GABRB1: variants seen among roughly 807,000 people sequenced by gnomAD.
The protein encoded by GABRB1 is gamma-aminobutyric acid type A receptor subunit beta1, also known as gamma-aminobutyric acid receptor subunit beta-1.
A neutral mutation model predicts 51.6 loss-of-function variants in GABRB1; 17 were observed. The ratio of observed to expected loss-of-function variants is 0.33; its 90% CI spans 0.23 to 0.49. The LOEUF (loss-of-function observed/expected upper bound fraction) is 0.49. Among genes scored for constraint, GABRB1 ranks in the 20% least tolerant of loss-of-function variants. The probability of loss-of-function intolerance (pLI) is 0.99; values close to 1 mark genes in which losing one functional copy is unlikely to be tolerated. For synonymous variants in GABRB1, 247 were observed against 218.9 expected (o/e 1.13, Z -1.14); for missense variants, 410 against 600.6 (o/e 0.68, Z 3.32).
chr4:47,425,480 T>TGATAGATGATAGATA (rs1553884620), intron 8 of GABRB1, among the ~76,000 whole-genome samples, 194 bp from the exon 9 acceptor site: 2 of 142,318 alleles, frequency 1.4e-5, no homozygotes, highest in Admixed American at 7.0e-5. Flanking sequence ...TGGATGATGA[T>TGATAGATGATAGATA]GATAGATAGA....
intron 3 of GABRB1, among the ~76,000 whole-genome samples, chr4:47,061,399 G>A (rs1389759256): frequency 2.6e-5 from 4 of 152,008 alleles, no homozygotes; most frequent in Admixed American, 6.6e-5. Context: ...TGGTAGATTC[G>A]GACAGTGAGG....
intron 1 of GABRB1, among the ~76,000 whole-genome samples, chr4:47,003,730 C>T (rs1724297957): frequency 6.6e-6 from 1 of 152,152 alleles, no homozygotes; most frequent in Admixed American, 6.5e-5. Context: ...TTGCTAACTA[C>T]CAGAATCAGG....
At chr4:47,276,652 A>G (rs574908065) in intron 4 of GABRB1, among the ~76,000 whole-genome samples, 1 of 152,308 alleles carries the variant, frequency 6.6e-6, no homozygotes, top group African/African-American at 2.4e-5. Context: ...ATATTTTCCA[A>G]GTACTCCATT....
chr4:47,305,814 T>C (rs1481341961), intron 4 of GABRB1, among the ~76,000 whole-genome samples: 1 of 152,162 alleles, frequency 6.6e-6, no homozygotes, highest in Non-Finnish European at 1.5e-5. Context: ...CCTTTACCTT[T>C]CCTGTTGTAA....
rs72429068 is a variant in GABRB1 at position 47,363,019 on chromosome 4, CGT to C, written c.545-40276_545-40275del. Among the ~76,000 whole-genome samples the C allele has an allele frequency of 6.2e-3, 737 of 118,678 alleles. 4 individuals carry two copies. The highest frequency in any genetic ancestry group is 0.013 in the Middle Eastern group (3 of 228). The allele number at this position is 118,678 out of a possible 152,430, so 77.9% of individuals were successfully genotyped here. On this transcript the variant is annotated intron_variant, in intron 5 of 8. Coordinates refer to ENST00000295454, the MANE Select transcript of GABRB1 (RefSeq NM_000812.4). Reference sequence around the variant, plus strand: ...TGATAAATGAGAATGAGTGTCTAAGCGTGTGTGTGTGTGTGTGTGTGTGTTTG... The same window carrying C: ...TGATAAATGAGAATGAGTGTCTAAGCGTGTGTGTGTGTGTGTGTGTGTTTG...
chr4:47,112,546 C>A (rs573480169), intron 3 of GABRB1, among the ~76,000 whole-genome samples: 4 of 152,254 alleles, frequency 2.6e-5, no homozygotes, highest in South Asian at 4.1e-4. Context: ...AAATTTGAAG[C>A]CTCAGTTTCT....
intron 4 of GABRB1, among the ~76,000 whole-genome samples, chr4:47,288,739 A>C (rs1346227544): frequency 6.6e-6 from 1 of 152,218 alleles, no homozygotes; most frequent in Non-Finnish European, 1.5e-5. Context: ...CAAATGCTTT[A>C]TAGGTGTTAT....
chr4:47,395,874 T>C (rs1728163420), intron 5 of GABRB1, among the ~76,000 whole-genome samples: 1 of 152,146 alleles, frequency 6.6e-6, no homozygotes, highest in Non-Finnish European at 1.5e-5. Context: ...TTTTCCCTCA[T>C]ATATTAGCAT....
At chr4:47,178,177 TAAATGAGAA>T (rs1718780212) in intron 4 of GABRB1, among the ~76,000 whole-genome samples, 1 of 152,086 alleles carries the variant, frequency 6.6e-6, no homozygotes, top group Admixed American at 6.6e-5. Context: ...TTGAGATCAT[TAAATGAGAA>T]AATGCATTCG....
chr4:47,423,789 A>G (rs1729170598), intron 8 of GABRB1, among the ~76,000 whole-genome samples: 1 of 152,162 alleles, frequency 6.6e-6, no homozygotes, highest in African/African-American at 2.4e-5. Flanking sequence ...AATTTACTTA[A>G]CTTCTTTGAG....
chr4:47,096,066 C>T (rs1309338810), intron 3 of GABRB1, among the ~76,000 whole-genome samples: 1 of 152,064 alleles, frequency 6.6e-6, no homozygotes, highest in African/African-American at 2.4e-5. Context: ...CTCCATATGC[C>T]ATATGGTTTG....
intron 4 of GABRB1, among the ~76,000 whole-genome samples, chr4:47,220,647 G>T (rs1205198668): frequency 6.6e-6 from 1 of 151,926 alleles, no homozygotes; most frequent in Non-Finnish European, 1.5e-5. Flanking sequence ...TCACCAGCCT[G>T]CTATCCAGAA....
chr4:47,323,424 T>C (rs555651858), intron 5 of GABRB1, among the ~76,000 whole-genome samples: 4 of 152,220 alleles, frequency 2.6e-5, no homozygotes, highest in Admixed American at 6.5e-5. Flanking sequence ...AAGTACATAA[T>C]CAATATGTTG....
At chr4:47,189,561 C>T (rs771425903) in intron 4 of GABRB1, among the ~76,000 whole-genome samples, 1 of 151,614 alleles carries the variant, frequency 6.6e-6, no homozygotes, top group Non-Finnish European at 1.5e-5. Context: ...TGGAGGGTAT[C>T]GGATAGTTTC....
chr4:47,084,508 T>C (rs1727986796), intron 3 of GABRB1, among the ~76,000 whole-genome samples: 1 of 152,224 alleles, frequency 6.6e-6, no homozygotes, highest in Non-Finnish European at 1.5e-5. Context: ...TTTGTGTATC[T>C]AGAAGTCTGG....
At chr4:47,190,127 A>G (rs1719378830) in intron 4 of GABRB1, among the ~76,000 whole-genome samples, 1 of 152,112 alleles carries the variant, frequency 6.6e-6, no homozygotes, top group African/African-American at 2.4e-5. Context: ...TGACTCCCTT[A>G]ATCTTCTAGC....
At chr4:47,303,735 T>C (rs80097816) in intron 4 of GABRB1, among the ~76,000 whole-genome samples, 34,518 of 151,904 alleles carry the variant, frequency 0.23, 4,688 homozygotes, top group East Asian at 0.58. Flanking sequence ...TTACCCCACA[T>C]ATCGTTTTTT....
At chr4:47,337,880 G>C (rs1200151406) in intron 5 of GABRB1, among the ~76,000 whole-genome samples, 1 of 149,022 alleles carries the variant, frequency 6.7e-6, no homozygotes, top group African/African-American at 2.5e-5. Flanking sequence ...AAAGTGCCCA[G>C]TACAGTCCTT....
At chr4:47,220,758 C>A (rs919285024) in intron 4 of GABRB1, among the ~76,000 whole-genome samples, 1 of 151,896 alleles carries the variant, frequency 6.6e-6, no homozygotes, top group Non-Finnish European at 1.5e-5. Flanking sequence ...TGATCATCAC[C>A]CTCCTTTTGG....
Sources: gnomAD v4.1 joint callset for allele counts (sites outside exome capture counted in the v4.1 genomes callset) on GRCh38, gnomAD v4.1.1 for gene constraint, MANE v1.5 for transcripts, NCBI Gene and HGNC (gene_info 2026-07-23, HGNC 2026-07-21) for gene names.